RPAP3: variants seen among roughly 807,000 people sequenced by gnomAD.
RPAP3 encodes RNA polymerase II-associated protein 3.
In RPAP3, 58 loss-of-function variants were observed where a neutral mutation model predicts 88.8. The observed-to-expected ratio is 0.65, with a 90% CI of 0.53 to 0.81. The LOEUF is 0.81. RPAP3 is among the 40% of genes least tolerant of loss of function. The pLI, the probability that RPAP3 is intolerant of heterozygous loss-of-function variation, is 0.00. For missense variants in RPAP3, 751 were observed against 764.3 expected (o/e 0.98, Z 0.20); for synonymous variants, 255 against 259.9 (o/e 0.98, Z 0.18).
At chr12:47,667,634 G>T in intron 15 of RPAP3, 120 bp downstream of exon 15, 3 of 561,358 alleles carry the variant, frequency 5.3e-6, no homozygotes, top group South Asian at 2.9e-5. Context: ...TAGGCCAATT[G>T]ACATAAACAA....
chr12:47,669,222 T>C (rs1938945766), intron 13 of RPAP3, 120 bp from the exon 14 acceptor site: 1 of 586,336 alleles, frequency 1.7e-6, no homozygotes, highest in Non-Finnish European at 2.9e-6. Context: ...CTATTTGTAT[T>C]ATACAAGCAT....
In RPAP3 at chr12:47,668,978, G is replaced by A. The variant is rs1938938854; in HGVS notation, c.1651C>T (p.Gln551Ter). Residue 551 changes from glutamine to a stop codon, truncating the protein, a stop_gained, in exon 14 of 17, where the codon CAG (glutamine) becomes TAG (stop). Coordinates refer to ENST00000005386, the MANE Select transcript of RPAP3 (RefSeq NM_024604.3). LOFTEE classifies it high-confidence loss of function. ...VLPPIPANSFQLESDFRQLKS... is the reference protein window; with the variant it reads ...VLPPIPANSF ...AATTGTCTGAAATCAGATTCGAGCT[G>A]GAACGAGTTTGCAGGAATTGGAGGA... 6.2e-7 allele frequency: 1 copy of A among 1,613,998 alleles called. No homozygotes were observed. The highest frequency in any genetic ancestry group is 8.5e-7 in the Non-Finnish European group (1 of 1,179,924).
chr12:47,679,626 A>G (rs1386992608), intron 11 of RPAP3, 32 bp from the exon 12 acceptor site: 2 of 1,531,332 alleles, frequency 1.3e-6, no homozygotes, highest in Non-Finnish European at 1.8e-6. Context: ...CTAACTTTCA[A>G]AATATTTATT....
chr12:47,670,034 T>G, intron 13 of RPAP3, 73 bp downstream of exon 13: 1 of 954,714 alleles, frequency 1.0e-6, no homozygotes, highest in Non-Finnish European at 1.7e-6. Flanking sequence ...AAATCAGAAG[T>G]CTCAGTAATA....
chr12:47,677,678 G>A (rs530775962), intron 12 of RPAP3, among the ~76,000 whole-genome samples: 1 of 151,892 alleles, frequency 6.6e-6, no homozygotes, highest in African/African-American at 2.4e-5. Flanking sequence ...GCTACAAAGA[G>A]AATAAAATAC....
At chr12:47,689,279 ACAAT>A in intron 6 of RPAP3, 84 bp from the exon 7 acceptor site, 1 of 596,136 alleles carries the variant, frequency 1.7e-6, no homozygotes. Context: ...GTTGCCTGTG[ACAAT>A]CAGGCAACTG....
intron 12 of RPAP3, among the ~76,000 whole-genome samples, chr12:47,674,053 A>G: frequency 6.7e-6 from 1 of 148,636 alleles, no homozygotes; most frequent in Non-Finnish European, 1.5e-5. Flanking sequence ...CTTATACATC[A>G]GTAATCCTAG....
chr12:47,694,869 A>G (rs182885578), intron 5 of RPAP3, among the ~76,000 whole-genome samples: 185 of 152,322 alleles, frequency 1.2e-3, no homozygotes, highest in Non-Finnish European at 2.1e-3. Context: ...AAGCCCAATT[A>G]TATCAATGTT....
At position 47,702,364 on chromosome 12, in the gene RPAP3, G is replaced by T. The variant is rs565335423; in HGVS notation, c.153+324C>A. Among the ~76,000 whole-genome samples the T allele has an allele frequency of 1.1e-4, 17 of 151,992 alleles. No individual in the cohort carries two copies. In the East Asian group the frequency reaches 1.9e-3, roughly 17 times the overall value. On this transcript the variant is annotated intron_variant, in intron 2 of 16. Transcript: ENST00000005386. ...AGATCAAGACCATCCTGGCCAACAT[G>T]ATGAGACCCCGTCTCTACTAAAAAA...
At position 47,668,999 on chromosome 12, in the gene RPAP3, G is replaced by C. The variant is rs1456799023; in HGVS notation, c.1630C>G (p.Pro544Ala). The change falls in exon 14 of 17, where the codon CCA becomes GCA. Residue 544 changes from proline to alanine, a missense_variant. Transcript: ENST00000005386. ...AGCTGGAACGAGTTTGCAGGAATTG[G>C]AGGAAGAACAGTTGTGGCAAACTGA... The part of the protein sequence containing the change: ...PAQFATTVLP[P>A]IPANSFQLES... 2 of 1,613,962 alleles carry C rather than the reference G, an allele frequency of 1.2e-6. No homozygotes were observed. Among genetic ancestry groups the C allele is most frequent in the Admixed American group, 3.3e-5 (2 of 60,022 alleles).
In RPAP3 at chr12:47,702,838, CATT is replaced by C; in HGVS notation, c.-1_2del. 6.2e-7 allele frequency: 1 copy of C among 1,611,900 alleles called. No homozygotes were observed. The highest frequency in any genetic ancestry group is 1.1e-5 in the South Asian group (1 of 90,468). On this transcript the variant is annotated start_lost and start_retained_variant and 5_prime_UTR_variant, in exon 2 of 17. Coordinates refer to ENST00000005386, the MANE Select transcript of RPAP3 (RefSeq NM_024604.3). Reference sequence around the variant, plus strand: ...ATTCGATTGCTTTATTTGCTGAAGTCATTATGGTCTGCAGAGTTTTGAACAACC... The same window carrying C: ...ATTCGATTGCTTTATTTGCTGAAGTCATGGTCTGCAGAGTTTTGAACAACC...
chr12:47,667,075 T>C lies in RPAP3; in HGVS notation c.1817A>G (p.Glu606Gly), dbSNP rs1232624290. ...GATTTCAAAGATGAGTAATGGCTTT[T>C]CTTTCCTGAAATAATCCAAATATAG... ...KILHDFYIEKEKPLLIFEILQ... is the reference protein window; with the variant it reads ...KILHDFYIEKGKPLLIFEILQ... Residue 606 changes from glutamate (E) to glycine (G), a missense_variant, in exon 16 of 17, where the codon GAA (glutamate) becomes GGA (glycine). By Grantham distance (98) the Glu-to-Gly change is moderately conservative. Coordinates refer to ENST00000005386, the MANE Select transcript of RPAP3 (RefSeq NM_024604.3). 1.4e-6 allele frequency: 2 copies of C among 1,428,834 alleles called. No individual in the cohort carries two copies. Among genetic ancestry groups the C allele is most frequent in the Non-Finnish European group, 1.9e-6 (2 of 1,072,700 alleles). The allele number at this position is 1,428,834 out of a possible 1,614,324, so 88.5% of individuals were successfully genotyped here.
intron 1 of RPAP3, among the ~76,000 whole-genome samples, chr12:47,704,993 G>C (rs931036250): frequency 9.9e-5 from 15 of 151,908 alleles, no homozygotes; most frequent in Non-Finnish European, 2.1e-4. Flanking sequence ...CAAAAAAAAA[G>C]GAGGGGGGGG....
At position 47,667,855 on chromosome 12, in the gene RPAP3, GA is replaced by G. The variant is rs753843224; in HGVS notation, c.1714-5del. The G allele has an allele frequency of 2.9e-4, 432 of 1,515,466 alleles. 1 individual carries two copies. The highest frequency in any genetic ancestry group is 7.6e-4 in the South Asian group (62 of 82,060). 93.9% of individuals were successfully genotyped at this position (1,515,466 alleles called of 1,614,324 possible). A position where few individuals can be genotyped will look rare whatever the true frequency, so the allele number is the denominator to read the frequency against. On this transcript the variant is annotated splice_region_variant and splice_polypyrimidine_tract_variant and intron_variant, in intron 14 of 16. Coordinates refer to ENST00000005386, the MANE Select transcript of RPAP3 (RefSeq NM_024604.3). ...GATACAAAGATGGTTCAATTTGCTTGAAAAAAAAATAAAAAGACAATTACTT... is the reference window on the plus strand; with the variant it reads ...GATACAAAGATGGTTCAATTTGCTTGAAAAAAAATAAAAAGACAATTACTT...
At chr12:47,705,774 G>T (rs1050479827) in intron 1 of RPAP3, among the ~76,000 whole-genome samples, 178 bp downstream of exon 1, 1 of 152,166 alleles carries the variant, frequency 6.6e-6, no homozygotes, top group Non-Finnish European at 1.5e-5. Flanking sequence ...CTCCGGGAAC[G>T]CGCGACCCGA....
chr12:47,685,126 C>A (rs1939296615), intron 9 of RPAP3, among the ~76,000 whole-genome samples: 1 of 152,174 alleles, frequency 6.6e-6, no homozygotes, highest in South Asian at 2.1e-4. Flanking sequence ...TGCCTGTAAT[C>A]CCAGCACTCT....
rs2136607723 is a variant in RPAP3 at position 47,669,048 on chromosome 12, G to A, written c.1581C>T (p.Pro527=). Residue 527 remains proline, a synonymous_variant, in exon 14 of 17, where the codon CCC becomes CCT. Transcript: ENST00000005386. ...DVCQSYSEKM[P]IEIEQKPAQF... ...GAGCAGGTTTTTGTTCTATCTCTAT[G>A]GGCATTTTCTCGCTGTAAGACTGAC... 2 of 1,613,812 alleles carry A rather than the reference G, an allele frequency of 1.2e-6. No homozygotes were observed. Among genetic ancestry groups the A allele is most frequent in the Non-Finnish European group, 1.7e-6 (2 of 1,179,790 alleles).
At chr12:47,670,370 T>G (rs1938971525) in intron 12 of RPAP3, 25 bp from the exon 13 acceptor site, 4 of 1,329,358 alleles carry the variant, frequency 3.0e-6, no homozygotes, top group Non-Finnish European at 4.3e-6. Flanking sequence ...ATCAATTCCT[T>G]AAATCAAAAT....
intron 1 of RPAP3, among the ~76,000 whole-genome samples, chr12:47,703,776 G>A (rs1308432484): frequency 6.6e-6 from 1 of 152,160 alleles, no homozygotes; most frequent in Non-Finnish European, 1.5e-5. Context: ...AGGCCATGAG[G>A]TCTAACCTAT....
Sources: gnomAD v4.1 joint callset for allele counts (sites outside exome capture counted in the v4.1 genomes callset) on GRCh38, gnomAD v4.1.1 for gene constraint, MANE v1.5 for transcripts, NCBI Gene and HGNC (gene_info 2026-07-23, HGNC 2026-07-21) for gene names.